TRPM3: variants seen among roughly 807,000 people sequenced by gnomAD.
TRPM3 encodes the protein transient receptor potential cation channel subfamily M member 3.
In TRPM3, 77 loss-of-function variants were observed where a neutral mutation model predicts 181.2. That is an observed-to-expected ratio of 0.42 (90% CI 0.35 to 0.51). The LOEUF is 0.51. Among genes scored for constraint, TRPM3 ranks in the 20% least tolerant of loss-of-function variants. The pLI, the probability that TRPM3 is intolerant of heterozygous loss-of-function variation, is 0.01. For synonymous variants in TRPM3, 745 were observed against 796.4 expected, an observed-to-expected ratio of 0.94 and a Z score of 1.09; for missense variants, 1,759 against 2,196.7, an observed-to-expected ratio of 0.80 and a Z score of 3.98.
chr9:70,536,742 A>G lies in TRPM3; in HGVS notation c.4371T>C (p.Tyr1457=), dbSNP rs2041866158. ...GTCTGTCTGTGGGTGCAAGTGTTGC[A>G]TAGGCACTACTTGAAGGGGCTGTGG... ...VPSTAPSSSA[Y]ATLAPTDRPP... Residue 1457 remains tyrosine, a synonymous_variant, in exon 26 of 26, where the codon TAT becomes TAC. Coordinates refer to ENST00000677713, the MANE Select transcript of TRPM3 (RefSeq NM_001366145.2). The G allele has an allele frequency of 1.9e-6, 3 of 1,614,206 alleles. No individual in the cohort carries two copies. The highest frequency in any genetic ancestry group is 2.2e-5 in the South Asian group (2 of 91,082).
At chr9:71,201,553 C>G (rs1435864624) in intron 1 of TRPM3, among the ~76,000 whole-genome samples, 1 of 152,184 alleles carries the variant, frequency 6.6e-6, no homozygotes, top group African/African-American at 2.4e-5. Context: ...TCCCATATTT[C>G]TTGGAGGCTT....
chr9:70,548,501 A>G (rs1303013968), intron 25 of TRPM3, among the ~76,000 whole-genome samples: 1 of 152,252 alleles, frequency 6.6e-6, no homozygotes, highest in Non-Finnish European at 1.5e-5. Flanking sequence ...GGATGAGCAG[A>G]CAAAATGTCA....
At chr9:70,770,250 T>C (rs2079966572) in intron 7 of TRPM3, among the ~76,000 whole-genome samples, 1 of 152,182 alleles carries the variant, frequency 6.6e-6, no homozygotes, top group Non-Finnish European at 1.5e-5. Flanking sequence ...TTTGGTTCTA[T>C]TTCTGGATAC....
intron 1 of TRPM3, among the ~76,000 whole-genome samples, chr9:71,339,349 T>C (rs1193743500): frequency 1.3e-5 from 2 of 152,010 alleles, no homozygotes; most frequent in Admixed American, 1.3e-4. Context: ...AATAGAAAAA[T>C]TGATATGCAA....
In TRPM3 at chr9:70,769,767, C is replaced by G. The variant is rs984797557; in HGVS notation, c.1149-8043G>C. The stretch of plus-strand genomic sequence containing the variant: ...ATGGAAATTATTTGTTTGTCTTACT[C>G]TAGTAGATGATGAACTTTTTGAAGC... On this transcript the variant is annotated intron_variant, in intron 7 of 25. Coordinates refer to ENST00000677713, the MANE Select transcript of TRPM3 (RefSeq NM_001366145.2). Among the ~76,000 whole-genome samples the G allele has an allele frequency of 4.0e-5, 5 of 125,494 alleles. No individual in the cohort carries two copies. In the South Asian group the frequency reaches 7.1e-4, roughly 18 times the overall value. The allele number at this position is 125,494 out of a possible 152,430, so 82.3% of individuals were successfully genotyped here.
intron 1 of TRPM3, among the ~76,000 whole-genome samples, chr9:70,875,785 T>A (rs1267616785): frequency 6.6e-6 from 1 of 151,880 alleles, no homozygotes; most frequent in East Asian, 1.9e-4. Flanking sequence ...GAGGAACTGA[T>A]AACAAATCAA....
At chr9:71,297,314 G>C (rs545112780) in intron 1 of TRPM3, among the ~76,000 whole-genome samples, 5 of 152,270 alleles carry the variant, frequency 3.3e-5, no homozygotes, top group African/African-American at 1.2e-4. Context: ...TTCCTGATCT[G>C]AGCCCTAAGA....
intron 1 of TRPM3, among the ~76,000 whole-genome samples, chr9:71,258,585 G>A (rs968434000): frequency 5.9e-5 from 9 of 151,948 alleles, no homozygotes; most frequent in African/African-American, 7.3e-5. Flanking sequence ...TTTCTACCCC[G>A]TAAAGTAACA....
intron 1 of TRPM3, among the ~76,000 whole-genome samples, chr9:71,403,738 C>A (rs1375029298): frequency 6.6e-6 from 1 of 152,052 alleles, no homozygotes; most frequent in African/African-American, 2.4e-5. Context: ...ATGCTCTATA[C>A]CACTTGTAAG....
At chr9:71,433,253 A>T (rs975745208) in intron 1 of TRPM3, among the ~76,000 whole-genome samples, 4 of 152,104 alleles carry the variant, frequency 2.6e-5, no homozygotes, top group African/African-American at 9.7e-5. Context: ...CATAATCCCC[A>T]TATCATGGGA....
Position 71,165,211 on chromosome 9 carries a change from A to G in TRPM3, c.183+281442T>C, listed in dbSNP as rs116351829. On this transcript the variant is annotated intron_variant, in intron 1 of 24. Transcript: ENST00000357533. ...TGCCTATACCTATTTTCACAAGCTG[A>G]AATTACAACAATAATATCAACCTCA... Among the ~76,000 whole-genome samples, 265 of 152,346 alleles carry G rather than the reference A, an allele frequency of 1.7e-3. 3 individuals carry two copies. The highest frequency in any genetic ancestry group is 5.8e-3 in the African/African-American group (240 of 41,594).
intron 1 of TRPM3, among the ~76,000 whole-genome samples, chr9:71,061,786 T>G (rs1472290101): frequency 6.6e-6 from 1 of 152,104 alleles, no homozygotes; most frequent in Non-Finnish European, 1.5e-5. Context: ...CTTCACCCCT[T>G]GCATCATTTT....
At chr9:70,669,747 CTTTT>C (rs71367212) in intron 9 of TRPM3, among the ~76,000 whole-genome samples, 1 of 138,402 alleles carries the variant, frequency 7.2e-6, no homozygotes, top group Admixed American at 7.3e-5. Context: ...TCTTTCTTTT[CTTTT>C]TTTTTTTTTT....
chr9:70,898,116 A>AT (rs1164953795), intron 1 of TRPM3, among the ~76,000 whole-genome samples: 2 of 150,334 alleles, frequency 1.3e-5, no homozygotes, highest in South Asian at 2.1e-4. Flanking sequence ...CTCACAATAA[A>AT]TTGTTTTTTT....
chr9:71,392,430 C>A (rs1412395123), intron 1 of TRPM3, among the ~76,000 whole-genome samples: 2 of 152,036 alleles, frequency 1.3e-5, no homozygotes, highest in African/African-American at 2.4e-5. Context: ...GCCCTCAGAG[C>A]CAGAGTAACA....
chr9:71,012,413 T>A (rs1216571829), intron 1 of TRPM3, among the ~76,000 whole-genome samples: 2 of 151,922 alleles, frequency 1.3e-5, no homozygotes, highest in East Asian at 3.9e-4. Flanking sequence ...AGTTGTTTTT[T>A]TTTTTTAACA....
At chr9:71,373,659 C>A (rs1192778595) in intron 1 of TRPM3, among the ~76,000 whole-genome samples, 1 of 151,980 alleles carries the variant, frequency 6.6e-6, no homozygotes, top group African/African-American at 2.4e-5. Context: ...AAAAAAAGCC[C>A]AGGACCAGAC....
At chr9:70,859,139 C>T (rs115617244) in intron 3 of TRPM3, among the ~76,000 whole-genome samples, 1,601 of 152,196 alleles carry the variant, frequency 0.011, 28 homozygotes, top group African/African-American at 0.035. Flanking sequence ...TGCCAGCCAT[C>T]GGAAGGGAGG....
At chr9:71,283,668 A>G (rs990982887) in intron 1 of TRPM3, among the ~76,000 whole-genome samples, 1 of 152,094 alleles carries the variant, frequency 6.6e-6, no homozygotes, top group African/African-American at 2.4e-5. Context: ...TTATCCATTC[A>G]TCTGTTGGTG....
Sources: allele counts gnomAD v4.1 joint callset (sites outside exome capture counted in the v4.1 genomes callset), GRCh38; gene constraint gnomAD v4.1.1; transcripts MANE v1.5; gene names NCBI Gene and HGNC (gene_info 2026-07-23, HGNC 2026-07-21).